Variants in PDE5A observed in about 807,000 individuals in gnomAD.
PDE5A encodes phosphodiesterase 5A.
Under a neutral mutation model 110.2 loss-of-function variants are expected in PDE5A, and 67 were observed. That is an observed-to-expected ratio of 0.61 (90% CI 0.50 to 0.75). The LOEUF is 0.75. Among genes scored for constraint, PDE5A ranks in the 30% least tolerant of loss-of-function variants. The pLI, the probability that PDE5A is intolerant of heterozygous loss-of-function variation, is 0.00. For synonymous variants in PDE5A, 328 were observed against 351.2 expected, an observed-to-expected ratio of 0.93 and a Z score of 0.74; for missense variants, 862 against 1,045.1, an observed-to-expected ratio of 0.82 and a Z score of 2.42.
At chr4:119,557,293 G>A (rs1269200811) in intron 7 of PDE5A, among the ~76,000 whole-genome samples, 2 of 152,060 alleles carry the variant, frequency 1.3e-5, no homozygotes, top group African/African-American at 4.8e-5. Flanking sequence ...CTTAACTCTG[G>A]GTCAGACTTT....
At chr4:119,603,579 G>C (rs932031688) in intron 2 of PDE5A, among the ~76,000 whole-genome samples, 29 of 151,370 alleles carry the variant, frequency 1.9e-4, no homozygotes, top group Non-Finnish European at 7.4e-5. Context: ...CTTGTATTTT[G>C]AATATACGAA....
At chr4:119,583,043 T>A (rs1728638961) in intron 3 of PDE5A, among the ~76,000 whole-genome samples, 1 of 152,230 alleles carries the variant, frequency 6.6e-6, no homozygotes, top group Non-Finnish European at 1.5e-5. Flanking sequence ...GCCTATCCTT[T>A]GATGCTTTGA....
chr4:119,573,685 G>T (rs116212154), intron 3 of PDE5A, among the ~76,000 whole-genome samples: 2,283 of 152,260 alleles, frequency 0.015, 27 homozygotes, highest in Middle Eastern at 0.051. Flanking sequence ...ATGGTTGGGG[G>T]ATGAGACAAG....
At position 119,501,180 on chromosome 4, in the gene PDE5A, T is replaced by A; in HGVS notation, c.2480A>T (p.Gln827Leu). 1 of 1,605,112 alleles carries A rather than the reference T, an allele frequency of 6.2e-7. No homozygotes were observed. The highest frequency in any genetic ancestry group is 8.5e-7 in the Non-Finnish European group (1 of 1,171,948). The change falls in exon 20 of 21, where the codon CAA becomes CTA. Residue 827 changes from glutamine (Q) to leucine (L), a missense_variant. Coordinates refer to ENST00000354960, the MANE Select transcript of PDE5A (RefSeq NM_001083.4). ...TTTTCATATAAATACCTCATACAGT[T>A]GCAAGCAGATGGCATCTATGAACCC... is the stretch of plus-strand genomic sequence containing the variant. ...QVGFIDAICL[Q>L]LYEALTHVSE...
intron 1 of PDE5A, among the ~76,000 whole-genome samples, chr4:119,611,682 A>G (rs1280917560): frequency 1.3e-5 from 2 of 152,248 alleles, no homozygotes; most frequent in African/African-American, 2.4e-5. Context: ...CATTAACTCA[A>G]TATTAAATGA....
chr4:119,572,272 G>C (rs192499021), intron 3 of PDE5A, among the ~76,000 whole-genome samples: 21 of 152,244 alleles, frequency 1.4e-4, no homozygotes, highest in Non-Finnish European at 2.8e-4. Context: ...TCAACACTTT[G>C]CATTATTTTA....
At chr4:119,618,899 A>G (rs774414574) in intron 1 of PDE5A, among the ~76,000 whole-genome samples, 6 of 152,144 alleles carry the variant, frequency 3.9e-5, no homozygotes, top group Non-Finnish European at 7.4e-5. Flanking sequence ...GGTGATACCA[A>G]TCCTTGGACC....
At chr4:119,585,629 A>C (rs2110525657) in intron 3 of PDE5A, among the ~76,000 whole-genome samples, 1 of 152,348 alleles carries the variant, frequency 6.6e-6, no homozygotes, top group South Asian at 2.1e-4. Flanking sequence ...ATAAATAATG[A>C]AAGTACATTA....
chr4:119,525,446 G>A lies in PDE5A; in HGVS notation c.1779+103C>T. 1 of 1,097,388 alleles carries A rather than the reference G, an allele frequency of 9.1e-7. No individual in the cohort carries two copies. The highest frequency in any genetic ancestry group is 2.5e-5 in the Admixed American group (1 of 40,584). The allele number at this position is 1,097,388 out of a possible 1,614,324, so 68.0% of individuals were successfully genotyped here. A position where few individuals can be genotyped will look rare whatever the true frequency, so the allele number is the denominator to read the frequency against. On this transcript the variant is annotated intron_variant, in intron 12 of 20. Coordinates refer to ENST00000354960, the MANE Select transcript of PDE5A (RefSeq NM_001083.4). The surrounding 1 kb of genome is among the most constrained non-coding windows in gnomAD (Gnocchi z 4.3). Reference sequence around the variant, plus strand: ...GTGACAGTATATTAATCACTAAAATGTAAAAATCCCTATTCCATATTTGCA... The same window carrying A: ...GTGACAGTATATTAATCACTAAAATATAAAAATCCCTATTCCATATTTGCA...
At position 119,553,643 on chromosome 4, in the gene PDE5A, A is replaced by G. The variant is rs770211756; in HGVS notation, c.1303T>C (p.Trp435Arg). The change falls in exon 8 of 21, where the codon TGG becomes CGG. Residue 435 changes from tryptophan to arginine, a missense_variant. Physicochemically the swap from Trp to Arg is moderately radical, Grantham distance 101. Transcript: ENST00000354960. Reference sequence around the variant, plus strand: ...TCTAAAATTGGGTTACTTACTGTCCAGGGAAATCTTTTATCCTTACTGACA... The same window carrying G: ...TCTAAAATTGGGTTACTTACTGTCCGGGGAAATCTTTTATCCTTACTGACA... The part of the protein sequence containing the change: ...PDVSKDKRFP[W>R]TTENTGNVNQ... 3.9e-6 allele frequency: 6 copies of G among 1,521,824 alleles called. No individual in the cohort carries two copies. Among genetic ancestry groups the G allele is most frequent in the African/African-American group, 1.4e-5 (1 of 73,176 alleles). The allele number at this position is 1,521,824 out of a possible 1,614,324, so 94.3% of individuals were successfully genotyped here.
At chr4:119,617,297 T>C (rs972428474) in intron 1 of PDE5A, among the ~76,000 whole-genome samples, 9 of 152,124 alleles carry the variant, frequency 5.9e-5, no homozygotes, top group Admixed American at 2.0e-4. Context: ...TAAATAGGAC[T>C]ACAAAACTTG....
intron 5 of PDE5A, among the ~76,000 whole-genome samples, chr4:119,563,576 G>T (rs1342171248): frequency 1.3e-5 from 2 of 152,086 alleles, no homozygotes; most frequent in Non-Finnish European, 2.9e-5. Context: ...TCATTCAGGT[G>T]AAATAGGGAA....
intron 16 of PDE5A, 68 bp downstream of exon 16, chr4:119,507,536 A>G (rs1725595653): frequency 9.9e-7 from 1 of 1,011,362 alleles, no homozygotes; most frequent in African/African-American, 1.7e-5. Flanking sequence ...CTCAATATGG[A>G]TGTCAAAAGT....
intron 3 of PDE5A, among the ~76,000 whole-genome samples, chr4:119,577,485 A>G (rs1294426952): frequency 5.3e-5 from 8 of 151,526 alleles, no homozygotes; most frequent in South Asian, 2.1e-4. Flanking sequence ...AAGCTTATCC[A>G]CCATGATCAA....
chr4:119,627,210 G>C lies in PDE5A; in HGVS notation c.152+1310C>G, dbSNP rs759561748. The C allele has an allele frequency of 1.9e-6, 3 of 1,612,042 alleles. No individual in the cohort carries two copies. The East Asian group carries it at 6.7e-5, about 36-fold the overall frequency. On this transcript the variant is annotated intron_variant, in intron 1 of 20. Transcript: ENST00000354960. This position sits in a 1 kb window ranked among gnomAD's most constrained non-coding sequence, Gnocchi z 4.6. ...GGGAAGTTCGTTTTCGAACTCCGCC[G>C]ATCCTGGACTCCAGGAGGCTCCGTA...
chr4:119,628,801 C>A lies in PDE5A; in HGVS notation c.-130G>T, dbSNP rs1303561599. On this transcript the variant is annotated 5_prime_UTR_variant, in exon 1 of 21. Coordinates refer to ENST00000354960, the MANE Select transcript of PDE5A (RefSeq NM_001083.4). ...GTCCTGCTCCAGTCGGGCCGGCTTT[C>A]GACAAAGCGGCCGGAGCGCCAGGCC... 7.1e-7 allele frequency: 1 copy of A among 1,406,406 alleles called. No individual in the cohort carries two copies. The highest frequency in any genetic ancestry group is 1.2e-5 in the South Asian group (1 of 81,674). The allele number at this position is 1,406,406 out of a possible 1,614,324, so 87.1% of individuals were successfully genotyped here. A position where few individuals can be genotyped will look rare whatever the true frequency, so the allele number is the denominator to read the frequency against.
At chr4:119,537,149 C>T (rs1036558797) in intron 11 of PDE5A, among the ~76,000 whole-genome samples, 1 of 152,080 alleles carries the variant, frequency 6.6e-6, no homozygotes, top group African/African-American at 2.4e-5. Flanking sequence ...TGCCTAAGAA[C>T]ATTCTGCCTC....
chr4:119,621,209 G>A lies in PDE5A; in HGVS notation c.152+7311C>T, dbSNP rs766672541. On this transcript the variant is annotated intron_variant, in intron 1 of 20. Coordinates refer to ENST00000354960, the MANE Select transcript of PDE5A (RefSeq NM_001083.4). Reference sequence around the variant, plus strand: ...AAGGAAGTCAACACTAGTTATGGTAGACATCTAGAACTTCTGGGTCTGCCC... The same window carrying A: ...AAGGAAGTCAACACTAGTTATGGTAAACATCTAGAACTTCTGGGTCTGCCC... 5.3e-5 allele frequency among the ~76,000 whole-genome samples: 8 copies of A among 152,322 alleles called. No homozygotes were observed. In the East Asian group the frequency reaches 1.5e-3, roughly 29 times the overall value.
chr4:119,575,519 G>C (rs982662120), intron 3 of PDE5A, among the ~76,000 whole-genome samples: 1 of 152,174 alleles, frequency 6.6e-6, no homozygotes, highest in Non-Finnish European at 1.5e-5. Context: ...TGAAGAGAGT[G>C]GGGGCCAATA....
Sources: allele counts gnomAD v4.1 joint callset (sites outside exome capture counted in the v4.1 genomes callset), GRCh38; gene constraint gnomAD v4.1.1; non-coding constraint Gnocchi (gnomAD v3.1); transcripts MANE v1.5; gene names NCBI Gene and HGNC (gene_info 2026-07-23, HGNC 2026-07-21).